Variants in VPS13A observed in about 807,000 individuals in gnomAD.
VPS13A encodes intermembrane lipid transfer protein VPS13A.
VPS13A carries 264 observed loss-of-function variants against 390.9 expected under a neutral mutation model. The observed-to-expected ratio is 0.68, with a 90% CI of 0.61 to 0.75. The LOEUF (loss-of-function observed/expected upper bound fraction) is 0.75, where lower values mean the gene tolerates loss of function less well. VPS13A is among the 30% of genes least tolerant of loss of function. VPS13A has a pLI of 0.00. For missense variants in VPS13A, 3,409 were observed against 3,733.9 expected (o/e 0.91, Z 2.27); for synonymous variants, 1,231 against 1,227.1 (o/e 1.00, Z -0.07).
chr9:77,234,513 A>G (rs531038637), intron 17 of VPS13A, among the ~76,000 whole-genome samples: 2 of 152,228 alleles, frequency 1.3e-5, no homozygotes, highest in African/African-American at 4.8e-5. Context: ...TATATTAAAT[A>G]CATTTTTGAC....
At chr9:77,370,635 C>T (rs1832698981) in intron 65 of VPS13A, 57 bp downstream of exon 65, 1 of 1,605,868 alleles carries the variant, frequency 6.2e-7, no homozygotes, top group Non-Finnish European at 8.5e-7. Flanking sequence ...AACAAACCTA[C>T]ATTTGCGAAT....
At position 77,276,890 on chromosome 9, in the gene VPS13A, A is replaced by G. The variant is rs75947324; in HGVS notation, c.2824+669A>G. On this transcript the variant is annotated intron_variant, in intron 26 of 71. Coordinates refer to ENST00000360280, the MANE Select transcript of VPS13A (RefSeq NM_033305.3). ...TGATTAGATTGGACACACCTCTATA[A>G]TTCAGGATAATATACCTTTAACCTT... Among the ~76,000 whole-genome samples the G allele has an allele frequency of 3.0e-4, 45 of 152,238 alleles. No homozygotes were observed. The East Asian group carries it at 7.1e-3, about 24-fold the overall frequency.
chr9:77,312,650 C>T (rs1003941278), intron 35 of VPS13A, among the ~76,000 whole-genome samples: 7 of 152,038 alleles, frequency 4.6e-5, no homozygotes, highest in Non-Finnish European at 7.4e-5. Flanking sequence ...CGCCTGACCT[C>T]GTGATCCGCC....
At chr9:77,314,253 C>T in intron 36 of VPS13A, 134 bp downstream of exon 36, 3 of 1,009,364 alleles carry the variant, frequency 3.0e-6, no homozygotes, top group Non-Finnish European at 4.3e-6. Context: ...GATCTTTTTA[C>T]TTTAATAATA....
At chr9:77,233,589 G>A (rs1391966557) in intron 17 of VPS13A, among the ~76,000 whole-genome samples, 1 of 151,322 alleles carries the variant, frequency 6.6e-6, no homozygotes. Context: ...TGTATGTTTT[G>A]TAATATTGTG....
At chr9:77,299,833 C>G (rs984095335) in intron 33 of VPS13A, among the ~76,000 whole-genome samples, 17 of 152,002 alleles carry the variant, frequency 1.1e-4, no homozygotes, top group Admixed American at 1.1e-3. Context: ...AACAGAAAAC[C>G]AAATACCACC....
At chr9:77,246,697 C>T (rs1026556427) in intron 19 of VPS13A, among the ~76,000 whole-genome samples, 1 of 152,074 alleles carries the variant, frequency 6.6e-6, no homozygotes, top group African/African-American at 2.4e-5. Context: ...GTATACTAAT[C>T]ACATGCAAGT....
At chr9:77,381,005 G>A (rs1414927264) in intron 67 of VPS13A, among the ~76,000 whole-genome samples, 1 of 152,158 alleles carries the variant, frequency 6.6e-6, no homozygotes, top group Non-Finnish European at 1.5e-5. Context: ...CCATGGGTTG[G>A]GGACCTCTTA....
At chr9:77,198,088 C>T (rs1352411287) in intron 1 of VPS13A, among the ~76,000 whole-genome samples, 1 of 152,170 alleles carries the variant, frequency 6.6e-6, no homozygotes, top group Non-Finnish European at 1.5e-5. Flanking sequence ...GGCAGGCTCT[C>T]AGTCTCCACC....
chr9:77,202,165 A>G (rs72742565), intron 3 of VPS13A, among the ~76,000 whole-genome samples: 8,261 of 152,208 alleles, frequency 0.054, 331 homozygotes, highest in Middle Eastern at 0.12. Context: ...AAAGGTCTTC[A>G]TAATTATGTG....
chr9:77,412,532 C>T (rs550503897), intron 71 of VPS13A, among the ~76,000 whole-genome samples: 15 of 152,122 alleles, frequency 9.9e-5, no homozygotes, highest in African/African-American at 1.7e-4. Context: ...AGGCCTTTGA[C>T]GAAATTCAAC....
chr9:77,253,806 C>T (rs1263044028), intron 22 of VPS13A, among the ~76,000 whole-genome samples: 1 of 151,874 alleles, frequency 6.6e-6, no homozygotes, highest in Non-Finnish European at 1.5e-5. Context: ...ATTACAAAAT[C>T]CAATGTCATA....
At chr9:77,351,633 G>T (rs1417919144) in intron 53 of VPS13A, among the ~76,000 whole-genome samples, 187 bp downstream of exon 53, 1 of 152,154 alleles carries the variant, frequency 6.6e-6, no homozygotes, top group African/African-American at 2.4e-5. Context: ...CACTTTGGGA[G>T]GCCAAGGCAG....
chr9:77,227,549 G>T lies in VPS13A; in HGVS notation c.1452+64G>T, dbSNP rs2131198563. 6 of 1,294,898 alleles carry T rather than the reference G, an allele frequency of 4.6e-6. No individual in the cohort carries two copies. In the South Asian group the frequency reaches 7.6e-5, roughly 16 times the overall value. The allele number at this position is 1,294,898 out of a possible 1,614,324, so 80.2% of individuals were successfully genotyped here. A position where few individuals can be genotyped will look rare whatever the true frequency, so the allele number is the denominator to read the frequency against. The stretch of plus-strand genomic sequence containing the variant: ...ATTTATTTATTTGTTTAGAGACAGG[G>T]TCTCACTCTGTTGCCCAGGCTGGAC... On this transcript the variant is annotated intron_variant, in intron 16 of 71. Coordinates refer to ENST00000360280, the MANE Select transcript of VPS13A (RefSeq NM_033305.3).
intron 36 of VPS13A, 28 bp from the exon 37 acceptor site, chr9:77,314,467 A>G: frequency 6.2e-7 from 1 of 1,602,804 alleles, no homozygotes; most frequent in Non-Finnish European, 8.5e-7. Context: ...GTTTCTTTGT[A>G]ATTTTGTGTT....
chr9:77,299,459 C>G (rs1274354255), intron 33 of VPS13A, among the ~76,000 whole-genome samples: 1 of 152,140 alleles, frequency 6.6e-6, no homozygotes, highest in Non-Finnish European at 1.5e-5. Flanking sequence ...AATAGGAACA[C>G]TTTTACACTG....
intron 59 of VPS13A, among the ~76,000 whole-genome samples, chr9:77,362,397 CTATT>C (rs1392480169): frequency 6.6e-6 from 1 of 152,166 alleles, no homozygotes; most frequent in East Asian, 1.9e-4. Flanking sequence ...CTTTAAAAGA[CTATT>C]TGTTCTTTGA....
In VPS13A at chr9:77,196,675, G is replaced by T. The variant is rs12156522; in HGVS notation, c.101-3270G>T. On this transcript the variant is annotated intron_variant, in intron 1 of 71. Coordinates refer to ENST00000360280, the MANE Select transcript of VPS13A (RefSeq NM_033305.3). ...GGACAAGATTATATTGTTTTGTTTTGTTTTTTTTTTTAAATGGGGAATAGT... is the reference window on the plus strand; with the variant it reads ...GGACAAGATTATATTGTTTTGTTTTTTTTTTTTTTTTAAATGGGGAATAGT... 4.6e-3 allele frequency among the ~76,000 whole-genome samples: 659 copies of T among 143,502 alleles called. 3 individuals carry two copies. Among genetic ancestry groups the T allele is most frequent in the Non-Finnish European group, 7.6e-3 (495 of 65,042 alleles). The allele number at this position is 143,502 out of a possible 152,430, so 94.1% of individuals were successfully genotyped here. A position where few individuals can be genotyped will look rare whatever the true frequency, so the allele number is the denominator to read the frequency against.
chr9:77,282,241 A>G lies in VPS13A; in HGVS notation c.3085A>G (p.Thr1029Ala), dbSNP rs746173174. 6.8e-6 allele frequency: 11 copies of G among 1,613,532 alleles called. No homozygotes were observed. Among genetic ancestry groups the G allele is most frequent in the East Asian group, 2.2e-5 (1 of 44,774 alleles). The change falls in exon 29 of 72, where the codon ACT becomes GCT. Residue 1029 changes from threonine (T) to alanine (A), a missense_variant. This residue lies in a region of VPS13A where 2,717 missense variants were observed against 2,917.4 expected (regional missense o/e 0.93). Transcript: ENST00000360280. ...ATCAGCCCCAGTGTCCACTACAGAG[A>G]CTGAAGACAAAGGAGATGTCATTAA... ...EKSAPVSTTE[T>A]EDKGDVIKKL...
Sources: allele counts gnomAD v4.1 joint callset (sites outside exome capture counted in the v4.1 genomes callset), GRCh38; gene constraint gnomAD v4.1.1; regional missense constraint gnomAD v4.1.1; transcripts MANE v1.5; gene names NCBI Gene and HGNC (gene_info 2026-07-23, HGNC 2026-07-21).